CDK15: variants seen among roughly 807,000 people sequenced by gnomAD.
CDK15 encodes cyclin-dependent kinase 15.
CDK15 carries 62 observed loss-of-function variants against 60.3 expected under a neutral mutation model. The ratio of observed to expected loss-of-function variants is 1.03; its 90% CI spans 0.84 to 1.27. The LOEUF (loss-of-function observed/expected upper bound fraction) is 1.27, where lower values mean the gene tolerates loss of function less well. Ranked by LOEUF, CDK15 falls within the 50% of genes most tolerant of loss-of-function variation. CDK15 has a pLI of 0.00. For synonymous variants in CDK15, 194 were observed against 195.7 expected, an observed-to-expected ratio of 0.99 and a Z score of 0.07; for missense variants, 541 against 527.8, an observed-to-expected ratio of 1.03 and a Z score of -0.25.
Position 201,877,791 on chromosome 2 carries a change from T to C in CDK15, c.1059-2237T>C, listed in dbSNP as rs1356473417. ...TGCAAGGATTTGGAAATTTGCAAAT[T>C]TCTTCTCTATCTTGCCTATGAAGCA... On this transcript the variant is annotated intron_variant, in intron 11 of 13. Transcript: ENST00000652192. 5.3e-5 allele frequency among the ~76,000 whole-genome samples: 8 copies of C among 152,366 alleles called. No homozygotes were observed. In the South Asian group the frequency reaches 1.7e-3, roughly 32 times the overall value.
intron 8 of CDK15, among the ~76,000 whole-genome samples, chr2:201,842,748 C>A (rs897835966): frequency 6.6e-6 from 1 of 152,186 alleles, no homozygotes; most frequent in African/African-American, 2.4e-5. Flanking sequence ...GAGAAAACAT[C>A]TAAGCAGTTT....
intron 4 of CDK15, among the ~76,000 whole-genome samples, chr2:201,818,494 G>A (rs1696084042): frequency 6.6e-6 from 1 of 152,146 alleles, no homozygotes; most frequent in Non-Finnish European, 1.5e-5. Flanking sequence ...ATCACATCCT[G>A]CTGTGCAGTT....
At chr2:201,856,626 C>T (rs1210909140) in intron 10 of CDK15, among the ~76,000 whole-genome samples, 1 of 152,112 alleles carries the variant, frequency 6.6e-6, no homozygotes, top group African/African-American at 2.4e-5. Context: ...GAACGTGGCT[C>T]TCATCTTTTC....
intron 10 of CDK15, among the ~76,000 whole-genome samples, chr2:201,855,889 G>A (rs1698127156): frequency 6.7e-6 from 1 of 148,264 alleles, no homozygotes; most frequent in Non-Finnish European, 1.5e-5. Flanking sequence ...GCAGTGGCAC[G>A]ATCTCGGCTC....
At chr2:201,860,620 A>C in intron 10 of CDK15, 1 of 1,035,380 alleles carries the variant, frequency 9.7e-7, no homozygotes. Context: ...TGAAAATCAA[A>C]AGGCAGGAAA....
At chr2:201,812,708 G>T (rs1695829097) in intron 4 of CDK15, 146 bp downstream of exon 4, 6 of 493,988 alleles carry the variant, frequency 1.2e-5, no homozygotes, top group Admixed American at 7.4e-5. Context: ...AGTTTTTCAA[G>T]AAATTTACAC....
intron 8 of CDK15, among the ~76,000 whole-genome samples, chr2:201,846,505 A>C (rs1697673602): frequency 1.3e-5 from 2 of 152,092 alleles, no homozygotes; most frequent in African/African-American, 4.8e-5. Flanking sequence ...AAAAAAAAAA[A>C]ATTGCAGAAT....
intron 12 of CDK15, among the ~76,000 whole-genome samples, chr2:201,883,516 G>T (rs1214732466): frequency 6.6e-6 from 1 of 152,214 alleles, no homozygotes; most frequent in Non-Finnish European, 1.5e-5. Context: ...ATGAAAACCA[G>T]GAATTCCAGG....
chr2:201,834,381 C>A (rs1696915897), intron 7 of CDK15, among the ~76,000 whole-genome samples: 1 of 152,100 alleles, frequency 6.6e-6, no homozygotes, highest in Non-Finnish European at 1.5e-5. Flanking sequence ...GATGGAGACT[C>A]CAGGACACTT....
intron 10 of CDK15, chr2:201,861,214 A>G (rs1433912513): frequency 3.0e-6 from 3 of 1,016,328 alleles, no homozygotes; most frequent in Non-Finnish European, 3.5e-6. Flanking sequence ...GAGAAATCCT[A>G]TCATTGTAAA....
At chr2:201,883,300 ATAAAGCC>A (rs960828526) in intron 12 of CDK15, among the ~76,000 whole-genome samples, 11 of 152,246 alleles carry the variant, frequency 7.2e-5, no homozygotes, top group African/African-American at 2.7e-4. Flanking sequence ...CAATTAAAGC[ATAAAGCC>A]TGGGACTGGG....
At chr2:201,865,921 C>CAAAAAAA (rs1698612579) in intron 10 of CDK15, among the ~76,000 whole-genome samples, 1 of 81,144 alleles carries the variant, frequency 1.2e-5, no homozygotes, top group African/African-American at 6.1e-5. Context: ...AAAAAAAAAG[C>CAAAAAAA]TTGGGAAGCC....
chr2:201,894,855 AG>A lies in CDK15; in HGVS notation c.*1589del, dbSNP rs1186254951. 2 of 152,236 alleles carry A rather than the reference AG, an allele frequency of 1.3e-5. No individual in the cohort carries two copies. Among genetic ancestry groups the A allele is most frequent in the East Asian group, 3.8e-4 (2 of 5,208 alleles). The allele number at this position is 152,236 out of a possible 1,614,324, so 9.4% of individuals were successfully genotyped here. A position where few individuals can be genotyped will look rare whatever the true frequency, so the allele number is the denominator to read the frequency against. ...ATGATTCAAAAGACACCTTGCTAGA[AG>A]CCAATGAACAGCAGGCCAAAACAAC... On this transcript the variant is annotated 3_prime_UTR_variant, in exon 14 of 14. Coordinates refer to ENST00000652192, the MANE Select transcript of CDK15 (RefSeq NM_001366386.2).
chr2:201,869,216 C>T (rs1431852274), intron 10 of CDK15, among the ~76,000 whole-genome samples: 3 of 152,154 alleles, frequency 2.0e-5, no homozygotes, highest in Non-Finnish European at 4.4e-5. Flanking sequence ...AGGATGAGTT[C>T]ATGTCCTTTG....
intron 10 of CDK15, among the ~76,000 whole-genome samples, chr2:201,862,314 G>T (rs1698435582): frequency 6.6e-6 from 1 of 152,174 alleles, no homozygotes; most frequent in Non-Finnish European, 1.5e-5. Flanking sequence ...CCCAAACATG[G>T]TATAGTGGAA....
chr2:201,833,374 C>T (rs2105737953), intron 6 of CDK15, among the ~76,000 whole-genome samples: 1 of 152,100 alleles, frequency 6.6e-6, no homozygotes, highest in African/African-American at 2.4e-5. Flanking sequence ...AGTGTGGTCT[C>T]CTTGTGTTGT....
At chr2:201,874,289 A>G (rs768165525) in intron 11 of CDK15, among the ~76,000 whole-genome samples, 5 of 152,326 alleles carry the variant, frequency 3.3e-5, no homozygotes, top group Middle Eastern at 3.4e-3. Flanking sequence ...TATCTCCATC[A>G]TCATGGAAAA....
At chr2:201,843,428 C>T (rs1164256153) in intron 8 of CDK15, among the ~76,000 whole-genome samples, 8 of 152,058 alleles carry the variant, frequency 5.3e-5, no homozygotes, top group Non-Finnish European at 1.2e-4. Flanking sequence ...ATGATCTGCC[C>T]GCCTCGGCCT....
chr2:201,888,339 G>T, intron 12 of CDK15: 3 of 1,413,788 alleles, frequency 2.1e-6, no homozygotes, highest in East Asian at 2.6e-5. Context: ...GTTCCGAAAT[G>T]ATCTAAATAC....
Sources: allele counts gnomAD v4.1 joint callset (sites outside exome capture counted in the v4.1 genomes callset), GRCh38; gene constraint gnomAD v4.1.1; transcripts MANE v1.5; gene names NCBI Gene and HGNC (gene_info 2026-07-23, HGNC 2026-07-21).